The following DENND5B variants were observed in gnomAD, a reference collection of about 807,000 sequenced individuals.
DENND5B encodes the protein DENN domain-containing protein 5B.
Under a neutral mutation model 140.6 loss-of-function variants are expected in DENND5B, and 34 were observed. That is an observed-to-expected ratio of 0.24 (90% CI 0.18 to 0.32). The LOEUF (loss-of-function observed/expected upper bound fraction) is 0.32. DENND5B is among the 10% of genes least tolerant of loss of function. The probability of loss-of-function intolerance (pLI) is 1.00; values close to 1 mark genes in which losing one functional copy is unlikely to be tolerated. For missense variants in DENND5B, 1,142 were observed against 1,560.2 expected (o/e 0.73, Z 4.52); for synonymous variants, 551 against 562.1 (o/e 0.98, Z 0.28).
intron 1 of DENND5B, among the ~76,000 whole-genome samples, chr12:31,534,033 C>A (rs1948392466): frequency 6.6e-6 from 1 of 152,048 alleles, no homozygotes; most frequent in Non-Finnish European, 1.5e-5. Flanking sequence ...AGTTACCTCA[C>A]CTTATAAAAA....
At chr12:31,495,082 T>C (rs1946705072) in intron 2 of DENND5B, among the ~76,000 whole-genome samples, 1 of 152,202 alleles carries the variant, frequency 6.6e-6, no homozygotes, top group African/African-American at 2.4e-5. Flanking sequence ...GCTTTTCATC[T>C]TTACACTGTC....
At chr12:31,483,850 G>GTTTTC (rs747825378) in intron 2 of DENND5B, among the ~76,000 whole-genome samples, 3 of 147,636 alleles carry the variant, frequency 2.0e-5, no homozygotes, top group East Asian at 2.0e-4. Flanking sequence ...AATTAGAGCA[G>GTTTTC]TTTTCTTTTC....
intron 2 of DENND5B, among the ~76,000 whole-genome samples, chr12:31,481,297 G>A (rs551998760): frequency 5.3e-5 from 8 of 152,076 alleles, no homozygotes; most frequent in African/African-American, 1.2e-4. Flanking sequence ...CATTCAAACC[G>A]TCAAAAAACA....
At chr12:31,428,649 C>T (rs984780981) in intron 8 of DENND5B, among the ~76,000 whole-genome samples, 1 of 151,636 alleles carries the variant, frequency 6.6e-6, no homozygotes, top group Non-Finnish European at 1.5e-5. Context: ...CTCACTGCAA[C>T]CTCCGCCTTC....
At position 31,413,513 on chromosome 12, in the gene DENND5B, C is replaced by T. The variant is rs767357328; in HGVS notation, c.2604G>A (p.Ala868=). ...TCTTTTCTAGAGACAGTCTTATCCA[C>T]GCCCGAGCTCGTCCAACATCAGTCT... ...EIKTDVGRAR[A]WIRLSLEKKL... The change falls in exon 13 of 21, where the codon GCG becomes GCA. Residue 868 remains alanine, a synonymous_variant. Transcript: ENST00000389082. The T allele has an allele frequency of 1.6e-5, 26 of 1,613,680 alleles. No individual in the cohort carries two copies. Among genetic ancestry groups the T allele is most frequent in the South Asian group, 3.3e-5 (3 of 91,052 alleles).
chr12:31,460,220 G>A lies in DENND5B; in HGVS notation c.1066C>T (p.Arg356Cys), dbSNP rs370711395. Residue 356 changes from arginine to cysteine, a missense_variant, in exon 4 of 21, where the codon CGT becomes TGT. This residue lies in a region of DENND5B where 708 missense variants were observed against 905.5 expected (regional missense o/e 0.78). Coordinates refer to ENST00000389082, the MANE Select transcript of DENND5B (RefSeq NM_144973.4). Reference protein sequence around the residue: ...MGLQSKEGTDRSKLELPQEAN... With the variant: ...MGLQSKEGTDCSKLELPQEAN... ...TCTTGAGGAAGTTCTAGTTTAGAAC[G>A]GTCAGTTCCTTCTTTTGACTGAAGG... 4.3e-6 allele frequency: 7 copies of A among 1,613,194 alleles called. No individual in the cohort carries two copies. Among genetic ancestry groups the A allele is most frequent in the African/African-American group, 1.3e-5 (1 of 74,912 alleles).
chr12:31,430,495 TAC>T (rs1943461146), intron 8 of DENND5B, among the ~76,000 whole-genome samples: 4 of 2,130 alleles, frequency 1.9e-3, no homozygotes, highest in East Asian at 0.019. Context: ...CTACTAAAAA[TAC>T]AAAAAAAAAA....
At chr12:31,562,892 T>G (rs1949522811) in intron 1 of DENND5B, among the ~76,000 whole-genome samples, 2 of 151,766 alleles carry the variant, frequency 1.3e-5, no homozygotes. Flanking sequence ...ATGAAACTAT[T>G]TAAGTATTCA....
Position 31,480,200 on chromosome 12 carries a change from T to G in DENND5B, c.293A>C (p.Gln98Pro). The change falls in exon 3 of 21, where the codon CAG (glutamine) becomes CCG (proline). Residue 98 changes from glutamine to proline, a missense_variant. Physicochemically the swap from Gln to Pro is moderately conservative, Grantham distance 76. Around this residue, in one of 5 missense-constraint regions of DENND5B, gnomAD observed 708 missense variants for 905.5 expected, o/e 0.78. Transcript: ENST00000389082. ...CCTGGTAATTATAAATGAGTGAAAC[T>G]GGGGGTCTTTATTGTCCGTTTGTGT... is the stretch of plus-strand genomic sequence containing the variant. ...FRTQTDNKDPQFHSFIITRED... is the reference protein window; with the variant it reads ...FRTQTDNKDPPFHSFIITRED... The G allele has an allele frequency of 6.2e-7, 1 of 1,601,990 alleles. No homozygotes were observed. Among genetic ancestry groups the G allele is most frequent in the Non-Finnish European group, 8.5e-7 (1 of 1,174,340 alleles).
chr12:31,522,471 G>A (rs1015631048), intron 1 of DENND5B, among the ~76,000 whole-genome samples: 2 of 152,058 alleles, frequency 1.3e-5, no homozygotes, highest in African/African-American at 2.4e-5. Flanking sequence ...TTGAGACAAG[G>A]TCTGGCTCTA....
intron 1 of DENND5B, among the ~76,000 whole-genome samples, chr12:31,535,841 G>A (rs1229900546): frequency 1.3e-5 from 2 of 152,206 alleles, no homozygotes; most frequent in African/African-American, 4.8e-5. Flanking sequence ...ACAGAGATAT[G>A]TGACTGATAT....
At chr12:31,584,478 G>A (rs572208411) in intron 1 of DENND5B, among the ~76,000 whole-genome samples, 11 of 152,234 alleles carry the variant, frequency 7.2e-5, no homozygotes, top group South Asian at 4.1e-4. Flanking sequence ...GTCTGTTTTC[G>A]TGTTGCTATA....
chr12:31,456,795 T>A lies in DENND5B; in HGVS notation c.1092+3399A>T, dbSNP rs79430162. ...CAGAGAGAGGAGAGCATTTAAAATA[T>A]TCCCTCTGGGCCAGATGCTGTGGAT... On this transcript the variant is annotated intron_variant, in intron 4 of 20. Transcript: ENST00000389082. 3.2e-3 allele frequency among the ~76,000 whole-genome samples: 487 copies of A among 152,310 alleles called. 1 individual carries two copies. The highest frequency in any genetic ancestry group is 0.011 in the African/African-American group (467 of 41,570).
chr12:31,546,764 G>T (rs1948878269), intron 1 of DENND5B, among the ~76,000 whole-genome samples: 1 of 152,154 alleles, frequency 6.6e-6, no homozygotes. Flanking sequence ...AAAAGACCCA[G>T]GGAGGAGTGA....
chr12:31,486,772 G>A (rs1946326806), intron 2 of DENND5B, among the ~76,000 whole-genome samples: 1 of 152,166 alleles, frequency 6.6e-6, no homozygotes, highest in Admixed American at 6.5e-5. Context: ...ACCTTAGAGA[G>A]GTCTTCCTTT....
intron 10 of DENND5B, among the ~76,000 whole-genome samples, chr12:31,424,054 A>G (rs986634670): frequency 2.2e-4 from 33 of 152,294 alleles, no homozygotes; most frequent in African/African-American, 7.2e-4. Flanking sequence ...TACATGTAAA[A>G]TATGTTTGGA....
chr12:31,446,069 G>T (rs1374208875), intron 6 of DENND5B, among the ~76,000 whole-genome samples: 1 of 152,052 alleles, frequency 6.6e-6, no homozygotes, highest in East Asian at 1.9e-4. Flanking sequence ...AAATACTCAT[G>T]TTGGCTATTA....
chr12:31,587,526 CTTTTTTTTTTTTTTTTTTTTTTTTTTT>C (rs71460995), intron 1 of DENND5B, among the ~76,000 whole-genome samples: 4 of 74,948 alleles, frequency 5.3e-5, no homozygotes, highest in African/African-American at 1.4e-4. Context: ...CCACAAATAC[CTTTTTTTTTTTTTTTTTTTTTTTTTTT>C]TTTTTTTTTT....
At chr12:31,470,526 A>G (rs964807966) in intron 3 of DENND5B, among the ~76,000 whole-genome samples, 2 of 152,174 alleles carry the variant, frequency 1.3e-5, no homozygotes, top group Admixed American at 6.5e-5. Flanking sequence ...CTGGGATTAC[A>G]GGTGTAAGCC....
Sources: allele counts gnomAD v4.1 joint callset (sites outside exome capture counted in the v4.1 genomes callset), GRCh38; gene constraint gnomAD v4.1.1; regional missense constraint gnomAD v4.1.1; transcripts MANE v1.5; gene names NCBI Gene and HGNC (gene_info 2026-07-23, HGNC 2026-07-21).